RELN: variants seen among roughly 807,000 people sequenced by gnomAD.
RELN encodes the protein reelin.
RELN carries 108 observed loss-of-function variants against 427.6 expected under a neutral mutation model. The observed-to-expected ratio is 0.25, with a 90% CI of 0.22 to 0.30. RELN has a LOEUF of 0.30. Among genes scored for constraint, RELN ranks in the 10% least tolerant of loss-of-function variants. The pLI is 1.00. For synonymous variants in RELN, 1,524 were observed against 1,513.4 expected, an observed-to-expected ratio of 1.01 and a Z score of -0.16; for missense variants, 3,715 against 4,302.8, an observed-to-expected ratio of 0.86 and a Z score of 3.82.
At chr7:103,740,743 A>C (rs1790623957) in intron 6 of RELN, among the ~76,000 whole-genome samples, 1 of 152,214 alleles carries the variant, frequency 6.6e-6, no homozygotes. Flanking sequence ...TGAGTGTTTT[A>C]ACTTTTAAAT....
chr7:103,854,242 T>G (rs1389535128), intron 2 of RELN, among the ~76,000 whole-genome samples: 1 of 152,210 alleles, frequency 6.6e-6, no homozygotes, highest in African/African-American at 2.4e-5. Context: ...GTTATTTTAG[T>G]CCTGGTATGA....
At chr7:103,926,311 G>T (rs1795734606) in intron 1 of RELN, among the ~76,000 whole-genome samples, 1 of 151,882 alleles carries the variant, frequency 6.6e-6, no homozygotes, top group Non-Finnish European at 1.5e-5. Flanking sequence ...GGCCAGGATG[G>T]TCTCGATCTC....
chr7:103,615,271 A>T (rs1584346399), intron 20 of RELN, among the ~76,000 whole-genome samples: 1 of 152,222 alleles, frequency 6.6e-6, no homozygotes, highest in South Asian at 2.1e-4. Flanking sequence ...CCCACCTCCA[A>T]GAAGGCTAGT....
intron 2 of RELN, among the ~76,000 whole-genome samples, chr7:103,915,451 C>T (rs551080354): frequency 5.3e-5 from 8 of 151,218 alleles, no homozygotes; most frequent in Non-Finnish European, 8.9e-5. Context: ...CATGGATCAA[C>T]ATCACCTGGA....
chr7:103,699,870 C>T (rs945872101), intron 9 of RELN, among the ~76,000 whole-genome samples: 3 of 152,020 alleles, frequency 2.0e-5, no homozygotes, highest in Non-Finnish European at 4.4e-5. Flanking sequence ...GAGAGACAAT[C>T]TATTAAAATC....
intron 8 of RELN, among the ~76,000 whole-genome samples, chr7:103,710,121 A>C (rs1789756585): frequency 6.6e-6 from 1 of 152,216 alleles, no homozygotes; most frequent in Non-Finnish European, 1.5e-5. Flanking sequence ...AAGCTGATGA[A>C]GCTTCGGCTT....
In RELN at chr7:103,826,320, ATGTGTG is replaced by A. The variant is rs71154374; in HGVS notation, c.473+7211_473+7216del. Among the ~76,000 whole-genome samples the A allele has an allele frequency of 7.6e-4, 93 of 122,090 alleles. 1 individual carries two copies. Among genetic ancestry groups the A allele is most frequent in the African/African-American group, 2.1e-3 (75 of 35,952 alleles). The allele number at this position is 122,090 out of a possible 152,430, so 80.1% of individuals were successfully genotyped here. A position where few individuals can be genotyped will look rare whatever the true frequency, so the allele number is the denominator to read the frequency against. On this transcript the variant is annotated intron_variant, in intron 3 of 64. Coordinates refer to ENST00000428762, the MANE Select transcript of RELN (RefSeq NM_005045.4). Reference sequence around the variant, plus strand: ...CAGAAGCACAAAACAGACTAAGACAATGTGTGTGTGTGTGTGTGTGTGTGTGTGTGT... The same window carrying A: ...CAGAAGCACAAAACAGACTAAGACAATGTGTGTGTGTGTGTGTGTGTGTGT...
At chr7:103,814,412 G>C (rs1320499427) in intron 3 of RELN, among the ~76,000 whole-genome samples, 1 of 152,162 alleles carries the variant, frequency 6.6e-6, no homozygotes, top group East Asian at 1.9e-4. Context: ...TCTAGTTAGT[G>C]CTATACACTT....
At position 103,596,410 on chromosome 7, in the gene RELN, T is replaced by C. The variant is rs376591286; in HGVS notation, c.3539+46A>G. Reference sequence around the variant, plus strand: ...AACACATCAACAATGATTTAACCTTTACCATTCCTGGAAACTAATGCGAGG... The same window carrying C: ...AACACATCAACAATGATTTAACCTTCACCATTCCTGGAAACTAATGCGAGG... On this transcript the variant is annotated intron_variant, in intron 25 of 64. Transcript: ENST00000428762. 6 of 1,498,184 alleles carry C rather than the reference T, an allele frequency of 4.0e-6. No individual in the cohort carries two copies. In the African/African-American group the frequency reaches 6.9e-5, roughly 17 times the overall value. 92.8% of individuals were successfully genotyped at this position (1,498,184 alleles called of 1,614,324 possible).
intron 2 of RELN, among the ~76,000 whole-genome samples, chr7:103,865,943 T>G (rs1186096351): frequency 6.6e-6 from 1 of 152,130 alleles, no homozygotes; most frequent in Non-Finnish European, 1.5e-5. Context: ...TTAAGGTACT[T>G]TGATATAACA....
Position 103,497,888 on chromosome 7 carries a change from T to A in RELN, c.8882A>T (p.Asn2961Ile), listed in dbSNP as rs778198274. 1.2e-6 allele frequency: 2 copies of A among 1,614,142 alleles called. No homozygotes were observed. Among genetic ancestry groups the A allele is most frequent in the Non-Finnish European group, 1.7e-6 (2 of 1,180,006 alleles). The change falls in exon 55 of 65, where the codon AAC becomes ATC. Residue 2961 changes from asparagine (N) to isoleucine (I), a missense_variant. Physicochemically the swap from Asn to Ile is moderately radical, Grantham distance 149. Transcript: ENST00000428762. ...GATGGGACGATGGCAAGAGGTCATG[T>A]TGTTCTCACTACCGATGCGCCCCCA... ...QYWGRIGSEN[N>I]MTSCHRPICR...
chr7:103,744,086 AC>A (rs1790749312), intron 6 of RELN, among the ~76,000 whole-genome samples: 1 of 152,140 alleles, frequency 6.6e-6, no homozygotes, highest in African/African-American at 2.4e-5. Flanking sequence ...GTGCAATCAA[AC>A]TAGAACTCAG....
intron 8 of RELN, among the ~76,000 whole-genome samples, chr7:103,705,711 C>T (rs551573019): frequency 7.2e-5 from 11 of 152,110 alleles, no homozygotes; most frequent in Non-Finnish European, 1.5e-4. Flanking sequence ...ACAATTTGAG[C>T]TTTGACACTT....
At chr7:103,515,599 C>T (rs530382167) in intron 49 of RELN, among the ~76,000 whole-genome samples, 158 bp from the exon 50 acceptor site, 38 of 152,210 alleles carry the variant, frequency 2.5e-4, no homozygotes, top group Admixed American at 1.9e-3. Context: ...GATTAACTGG[C>T]TTAATTTTAT....
chr7:103,697,842 A>G lies in RELN; in HGVS notation c.1143+11T>C. On this transcript the variant is annotated intron_variant, in intron 10 of 64. Transcript: ENST00000428762. Reference sequence around the variant, plus strand: ...GATTAAAACAACCCAAAAACTAAAAAGAGCTCTAACCTTAACTGTAGCTCC... The same window carrying G: ...GATTAAAACAACCCAAAAACTAAAAGGAGCTCTAACCTTAACTGTAGCTCC... 6.2e-7 allele frequency: 1 copy of G among 1,613,510 alleles called. No individual in the cohort carries two copies. Among genetic ancestry groups the G allele is most frequent in the Non-Finnish European group, 8.5e-7 (1 of 1,179,640 alleles).
chr7:103,812,640 G>A (rs1268913092), intron 3 of RELN, among the ~76,000 whole-genome samples: 1 of 152,130 alleles, frequency 6.6e-6, no homozygotes, highest in Non-Finnish European at 1.5e-5. Context: ...ATATGACAAA[G>A]GCCAATCTTT....
chr7:103,943,397 T>C (rs1796154880), intron 1 of RELN, among the ~76,000 whole-genome samples: 1 of 152,164 alleles, frequency 6.6e-6, no homozygotes, highest in African/African-American at 2.4e-5. Context: ...GGGGAAGCCA[T>C]GATGTTCAGT....
intron 4 of RELN, among the ~76,000 whole-genome samples, chr7:103,774,148 T>C (rs999187940): frequency 6.6e-6 from 1 of 151,754 alleles, no homozygotes; most frequent in African/African-American, 2.4e-5. Context: ...ATACAAAAAA[T>C]TAGCCGGGTG....
At chr7:103,599,237 C>G (rs1831608966) in intron 24 of RELN, among the ~76,000 whole-genome samples, 1 of 152,000 alleles carries the variant, frequency 6.6e-6, no homozygotes, top group African/African-American at 2.4e-5. Flanking sequence ...TATTGTTTCC[C>G]AATTGTCTTT....
Sources: gnomAD v4.1 joint callset for allele counts (sites outside exome capture counted in the v4.1 genomes callset) on GRCh38, gnomAD v4.1.1 for gene constraint, MANE v1.5 for transcripts, NCBI Gene and HGNC (gene_info 2026-07-23, HGNC 2026-07-21) for gene names.